SLIT2: variants seen among roughly 807,000 people sequenced by gnomAD.
SLIT2 encodes slit homolog 2 protein.
Under a neutral mutation model 185.7 loss-of-function variants are expected in SLIT2, and 41 were observed. That is an observed-to-expected ratio of 0.22 (90% CI 0.17 to 0.29). The LOEUF is 0.29. Among genes scored for constraint, SLIT2 ranks in the 10% least tolerant of loss-of-function variants. The pLI is 1.00. For synonymous variants in SLIT2, 693 were observed against 680.2 expected (o/e 1.02, Z -0.29); for missense variants, 1,571 against 1,909.0 (o/e 0.82, Z 3.30).
chr4:20,291,469 TA>T (rs1715833780), intron 4 of SLIT2, among the ~76,000 whole-genome samples: 3 of 8,550 alleles, frequency 3.5e-4, no homozygotes, highest in Non-Finnish European at 6.9e-4. Context: ...TATATATATA[TA>T]TATATATATA....
At chr4:20,603,053 C>T (rs1728523912) in intron 33 of SLIT2, among the ~76,000 whole-genome samples, 2 of 152,094 alleles carry the variant, frequency 1.3e-5, no homozygotes, top group Admixed American at 6.5e-5. Flanking sequence ...TTTCACACTG[C>T]TGATAAAGGC....
At chr4:20,347,284 A>G (rs1291389996) in intron 4 of SLIT2, among the ~76,000 whole-genome samples, 1 of 152,240 alleles carries the variant, frequency 6.6e-6, no homozygotes, top group African/African-American at 2.4e-5. Flanking sequence ...ATTCAACCTT[A>G]GAATCCCAGG....
chr4:20,541,422 A>G lies in SLIT2; in HGVS notation c.1977-31A>G, dbSNP rs1722792595. The G allele has an allele frequency of 5.0e-6, 8 of 1,608,500 alleles. No individual in the cohort carries two copies. The Admixed American group carries it at 5.0e-5, about 10-fold the overall frequency. On this transcript the variant is annotated intron_variant, in intron 19 of 36. Transcript: ENST00000504154. ...AAGGAAGAAGATGAAACCCCAGGCT[A>G]AACTGTGCATCGTTTGCCTGTGGCT... is the stretch of plus-strand genomic sequence containing the variant.
At chr4:20,547,893 A>G (rs1723394282) in intron 22 of SLIT2, among the ~76,000 whole-genome samples, 1 of 152,052 alleles carries the variant, frequency 6.6e-6, no homozygotes, top group Non-Finnish European at 1.5e-5. Flanking sequence ...TTAAACAAAT[A>G]TTTATTGAGG....
intron 4 of SLIT2, among the ~76,000 whole-genome samples, chr4:20,379,228 T>TA (rs1724285004): frequency 6.6e-6 from 1 of 152,122 alleles, no homozygotes; most frequent in South Asian, 2.1e-4. Context: ...TGCATGGGGA[T>TA]ATTGATGGCA....
chr4:20,493,366 A>C (rs1450309279), intron 9 of SLIT2, among the ~76,000 whole-genome samples: 1 of 152,240 alleles, frequency 6.6e-6, no homozygotes, highest in Non-Finnish European at 1.5e-5. Flanking sequence ...AAATTTTCTC[A>C]TAAGGGAACT....
chr4:20,396,316 C>T (rs1175066644), intron 4 of SLIT2, among the ~76,000 whole-genome samples: 1 of 151,710 alleles, frequency 6.6e-6, no homozygotes, highest in Non-Finnish European at 1.5e-5. Flanking sequence ...AATGAAGGCA[C>T]AAATGAAAAT....
chr4:20,567,209 T>C, intron 26 of SLIT2, 53 bp from the exon 27 acceptor site: 1 of 1,522,536 alleles, frequency 6.6e-7, no homozygotes, highest in East Asian at 2.3e-5. Context: ...TACAAGTAAT[T>C]AAAAGTAAAC....
At chr4:20,360,817 A>C (rs1722677812) in intron 4 of SLIT2, among the ~76,000 whole-genome samples, 1 of 152,142 alleles carries the variant, frequency 6.6e-6, no homozygotes, top group African/African-American at 2.4e-5. Context: ...CCATTTATTG[A>C]GAGCTTACTA....
At chr4:20,371,875 C>T (rs1004506332) in intron 4 of SLIT2, among the ~76,000 whole-genome samples, 1 of 151,664 alleles carries the variant, frequency 6.6e-6, no homozygotes, top group Non-Finnish European at 1.5e-5. Context: ...GGTGATTATC[C>T]ATTTACCTAT....
chr4:20,540,376 T>C lies in SLIT2; in HGVS notation c.1976+792T>C, dbSNP rs1203834795. On this transcript the variant is annotated intron_variant, in intron 19 of 36. Coordinates refer to ENST00000504154, the MANE Select transcript of SLIT2 (RefSeq NM_004787.4). ...AATAAAAGCTGTTTACTAGAGGGGGTCTACTATGATATTAGCAAAATATTG... is the reference window on the plus strand; with the variant it reads ...AATAAAAGCTGTTTACTAGAGGGGGCCTACTATGATATTAGCAAAATATTG... Among the ~76,000 whole-genome samples the C allele has an allele frequency of 9.2e-5, 14 of 151,612 alleles. No individual in the cohort carries two copies. In the East Asian group the frequency reaches 2.5e-3, roughly 27 times the overall value.
chr4:20,321,051 A>G (rs1019035646), intron 4 of SLIT2, among the ~76,000 whole-genome samples: 11 of 152,128 alleles, frequency 7.2e-5, no homozygotes, highest in African/African-American at 2.7e-4. Flanking sequence ...GCTACTTGAA[A>G]GGGAGGCGGA....
In SLIT2 at chr4:20,426,195, A is replaced by C. The variant is rs148437124; in HGVS notation, c.396-41557A>C. Among the ~76,000 whole-genome samples, 349 of 152,324 alleles carry C rather than the reference A, an allele frequency of 2.3e-3. 3 individuals carry two copies. Among genetic ancestry groups the C allele is most frequent in the African/African-American group, 7.8e-3 (325 of 41,582 alleles). ...ACACATGCTTGAATGAAGCAGCTCC[A>C]AACCTGGAATGCGGAGGCAGTAGGG... On this transcript the variant is annotated intron_variant, in intron 4 of 36. Transcript: ENST00000504154.
chr4:20,510,204 T>C (rs936893667), intron 9 of SLIT2, among the ~76,000 whole-genome samples: 2 of 152,200 alleles, frequency 1.3e-5, no homozygotes, highest in Non-Finnish European at 2.9e-5. Context: ...CCTAAGTTAG[T>C]TTCTTAAAGG....
chr4:20,614,477 TA>T (rs552389736), intron 34 of SLIT2, among the ~76,000 whole-genome samples: 1 of 151,914 alleles, frequency 6.6e-6, no homozygotes, highest in South Asian at 2.1e-4. Flanking sequence ...AGGAAAGGCT[TA>T]AAAAAAATCA....
Position 20,253,976 on chromosome 4 carries a change from C to T in SLIT2, c.161C>T (p.Pro54Leu), listed in dbSNP as rs745418416. ...CTGCGCAGCGTGCCCAGGAATATCC[C>T]CCGCAACACCGAGAGACTGTGAGTA... ...LALRSVPRNI[P>L]RNTERLDLNG... The change falls in exon 1 of 37, where the codon CCC becomes CTC. Residue 54 changes from proline (P) to leucine (L), a missense_variant. This residue lies in a region of SLIT2 where 1,202 missense variants were observed against 1,416.4 expected (regional missense o/e 0.85). Transcript: ENST00000504154. 1.6e-5 allele frequency: 25 copies of T among 1,603,018 alleles called. No homozygotes were observed. In the Admixed American group the frequency reaches 2.0e-4, roughly 13 times the overall value.
At chr4:20,259,271 A>G (rs1177063966) in intron 3 of SLIT2, among the ~76,000 whole-genome samples, 1 of 151,754 alleles carries the variant, frequency 6.6e-6, no homozygotes, top group East Asian at 1.9e-4. Context: ...GATCTCCTTG[A>G]TAGACTATGT....
chr4:20,267,572 A>C (rs753482281), intron 3 of SLIT2, among the ~76,000 whole-genome samples: 2 of 151,882 alleles, frequency 1.3e-5, no homozygotes, highest in Admixed American at 6.6e-5. Context: ...AAAAATTCAT[A>C]GCCTCTGCTT....
At chr4:20,466,171 C>T (rs2148740054) in intron 4 of SLIT2, among the ~76,000 whole-genome samples, 1 of 152,036 alleles carries the variant, frequency 6.6e-6, no homozygotes, top group Non-Finnish European at 1.5e-5. Flanking sequence ...TCTCTTTGTT[C>T]TGTAGCCTTC....
Sources: allele counts gnomAD v4.1 joint callset (sites outside exome capture counted in the v4.1 genomes callset), GRCh38; gene constraint gnomAD v4.1.1; regional missense constraint gnomAD v4.1.1; transcripts MANE v1.5; gene names NCBI Gene and HGNC (gene_info 2026-07-23, HGNC 2026-07-21).